SHLD2: variants seen among roughly 807,000 people sequenced by gnomAD.
The protein encoded by SHLD2 is RINN1-REV7-interacting novel NHEJ regulator 2.
A neutral mutation model predicts 73.2 loss-of-function variants in SHLD2; 30 were observed. That is an observed-to-expected ratio of 0.41 (90% confidence interval 0.31 to 0.56). The LOEUF (loss-of-function observed/expected upper bound fraction) is 0.56, where lower values mean the gene tolerates loss of function less well. Ranked by LOEUF, SHLD2 falls within the 20% of genes least tolerant of loss-of-function variation. SHLD2 has a pLI of 0.28. For missense variants in SHLD2, 745 were observed against 1,055.9 expected (o/e 0.71, Z 4.08); for synonymous variants, 285 against 370.1 (o/e 0.77, Z 2.64).
chr10:87,166,570 G>A (rs963919993), intron 4 of SHLD2, among the ~76,000 whole-genome samples: 5 of 152,206 alleles, frequency 3.3e-5, no homozygotes, highest in Non-Finnish European at 7.3e-5. Context: ...TGTAAATTCA[G>A]TGCATGTTCA....
chr10:87,147,150 TC>T (rs566733794), intron 2 of SHLD2, among the ~76,000 whole-genome samples: 88 of 151,432 alleles, frequency 5.8e-4, no homozygotes, highest in Non-Finnish European at 1.1e-3. Context: ...CCCTGAGAGA[TC>T]CTCTGAATTC....
At chr10:87,118,798 C>G (rs1336568598) in intron 2 of SHLD2, among the ~76,000 whole-genome samples, 2 of 150,466 alleles carry the variant, frequency 1.3e-5, no homozygotes, top group Non-Finnish European at 3.0e-5. Context: ...TTTAGTTTTG[C>G]AGGTAGAGAA....
chr10:87,142,695 G>C (rs1845280878), intron 2 of SHLD2, among the ~76,000 whole-genome samples: 1 of 152,070 alleles, frequency 6.6e-6, no homozygotes, highest in Admixed American at 6.6e-5. Flanking sequence ...TGGGATAGTG[G>C]AGTTGTTATT....
At chr10:87,119,488 G>A (rs1843453348) in intron 2 of SHLD2, among the ~76,000 whole-genome samples, 1 of 151,990 alleles carries the variant, frequency 6.6e-6, no homozygotes, top group Non-Finnish European at 1.5e-5. Flanking sequence ...AGGGCCGGGC[G>A]CCGGTGGCTC....
intron 2 of SHLD2, among the ~76,000 whole-genome samples, chr10:87,139,138 G>T (rs1274528335): frequency 6.6e-6 from 1 of 152,152 alleles, no homozygotes; most frequent in African/African-American, 2.4e-5. Context: ...ACACAGAGCT[G>T]GGAATAGTTT....
chr10:87,094,671 G>A (rs776954917), upstream of SHLD2: 26 of 1,554,200 alleles, frequency 1.7e-5, no homozygotes, highest in African/African-American at 1.1e-4. This position sits in a 1 kb window ranked among gnomAD's most constrained non-coding sequence, Gnocchi z 6.6. Flanking sequence ...GCTGTCCCCG[G>A]GCCCAGCCCA....
intron 2 of SHLD2, among the ~76,000 whole-genome samples, chr10:87,125,841 C>A (rs772325271): frequency 6.6e-6 from 1 of 151,662 alleles, no homozygotes. Context: ...GCAGGAGAAT[C>A]GCTTGAACCC....
intron 2 of SHLD2, among the ~76,000 whole-genome samples, chr10:87,112,888 C>T (rs1276804468): frequency 6.6e-6 from 1 of 152,134 alleles, no homozygotes; most frequent in Admixed American, 6.6e-5. Context: ...TATGACACAG[C>T]AGTTCCATTC....
At chr10:87,099,854 C>G (rs1197717373) in intron 2 of SHLD2, among the ~76,000 whole-genome samples, 1 of 152,122 alleles carries the variant, frequency 6.6e-6, no homozygotes, top group Non-Finnish European at 1.5e-5. Context: ...TTTGCAGTTC[C>G]TTGATGACTA....
chr10:87,154,566 AG>A (rs199825533), intron 3 of SHLD2, among the ~76,000 whole-genome samples: 2,281 of 151,818 alleles, frequency 0.015, 60 homozygotes, highest in African/African-American at 0.052. Context: ...TTTTTAGTAG[AG>A]ACGGGGTTTC....
At chr10:87,094,950 C>T, upstream of SHLD2, 1 of 295,030 alleles carries the variant, frequency 3.4e-6, no homozygotes, top group East Asian at 6.6e-5. This position sits in a 1 kb window ranked among gnomAD's most constrained non-coding sequence, Gnocchi z 6.6. Flanking sequence ...ACTTCGGGGA[C>T]AGGGCGCCGC....
At chr10:87,107,937 G>A (rs1400337639) in intron 2 of SHLD2, among the ~76,000 whole-genome samples, 1 of 151,904 alleles carries the variant, frequency 6.6e-6, no homozygotes, top group African/African-American at 2.4e-5. Flanking sequence ...AGGCTGGAGT[G>A]CAGTGGTGCA....
Position 87,151,312 on chromosome 10 carries a change from T to A in SHLD2, c.-5-38T>A, listed in dbSNP as rs560238777. 208 of 1,180,862 alleles carry A rather than the reference T, an allele frequency of 1.8e-4. 4 individuals are homozygous for A. In the Admixed American group the frequency reaches 5.1e-3, roughly 29 times the overall value. The allele number at this position is 1,180,862 out of a possible 1,614,324, so 73.1% of individuals were successfully genotyped here. On this transcript the variant is annotated intron_variant, in intron 2 of 9. Transcript: ENST00000298786. Reference sequence around the variant, plus strand: ...TTAATATCCATATGCAAAAATATGCTGACAATATATTAATTTTGGATTTTT... The same window carrying A: ...TTAATATCCATATGCAAAAATATGCAGACAATATATTAATTTTGGATTTTT...
chr10:87,106,789 A>T (rs1376250265), intron 2 of SHLD2, among the ~76,000 whole-genome samples: 1 of 152,222 alleles, frequency 6.6e-6, no homozygotes, highest in African/African-American at 2.4e-5. Flanking sequence ...AAGTGGATTA[A>T]AATAAGAGGG....
At chr10:87,113,912 A>C (rs950214070) in intron 2 of SHLD2, 1 of 152,208 alleles carries the variant, frequency 6.6e-6, no homozygotes, top group Non-Finnish European at 1.5e-5. Context: ...AGGCTGAGGC[A>C]CAAGAATTAT....
intron 2 of SHLD2, among the ~76,000 whole-genome samples, chr10:87,145,355 G>A (rs1845529597): frequency 1.3e-5 from 2 of 152,140 alleles, no homozygotes. Flanking sequence ...ACCAACAAGG[G>A]ATAGTATAAT....
At chr10:87,116,564 A>G (rs1286110633) in intron 2 of SHLD2, among the ~76,000 whole-genome samples, 1 of 150,846 alleles carries the variant, frequency 6.6e-6, no homozygotes, top group East Asian at 2.0e-4. Flanking sequence ...TGAACACTTT[A>G]TTTTTTTCAG....
At chr10:87,144,667 C>T (rs1249392828) in intron 2 of SHLD2, among the ~76,000 whole-genome samples, 2 of 120,502 alleles carry the variant, frequency 1.7e-5, no homozygotes, top group South Asian at 2.5e-4. Context: ...CGCTTTGTTG[C>T]CCAGGCTGGA....
At chr10:87,108,827 T>C (rs1161779056) in intron 2 of SHLD2, among the ~76,000 whole-genome samples, 1 of 152,102 alleles carries the variant, frequency 6.6e-6, no homozygotes, top group Non-Finnish European at 1.5e-5. Context: ...TTCCCTATGG[T>C]AGATGGTATT....
Sources: gnomAD v4.1 joint callset for allele counts (sites outside exome capture counted in the v4.1 genomes callset) on GRCh38, gnomAD v4.1.1 for gene constraint, Gnocchi (gnomAD v3.1) non-coding constraint, MANE v1.5 for transcripts, NCBI Gene and HGNC (gene_info 2026-07-23, HGNC 2026-07-21) for gene names.